Variants in HIVEP1 observed in about 807,000 individuals in gnomAD.
HIVEP1 encodes the protein HIVEP zinc finger 1, also known as zinc finger protein 40.
HIVEP1 carries 36 observed loss-of-function variants against 180.0 expected under a neutral mutation model. The ratio of observed to expected loss-of-function variants is 0.20; its 90% CI spans 0.15 to 0.26. The LOEUF is 0.26. Ranked by LOEUF, HIVEP1 falls within the 10% of genes least tolerant of loss-of-function variation. The probability of loss-of-function intolerance (pLI) is 1.00; values close to 1 mark genes in which losing one functional copy is unlikely to be tolerated. For synonymous variants in HIVEP1, 1,239 were observed against 1,239.0 expected (o/e 1.00, Z 0.00); for missense variants, 3,143 against 3,268.7 (o/e 0.96, Z 0.94).
chr6:12,094,209 G>T (rs1253823657), intron 3 of HIVEP1, among the ~76,000 whole-genome samples: 1 of 151,854 alleles, frequency 6.6e-6, no homozygotes, highest in African/African-American at 2.4e-5. Flanking sequence ...TTTATATCCA[G>T]CTACTTGGCT....
intron 3 of HIVEP1, among the ~76,000 whole-genome samples, chr6:12,095,689 T>G (rs951694943): frequency 6.6e-6 from 1 of 151,968 alleles, no homozygotes; most frequent in Non-Finnish European, 1.5e-5. Context: ...TGTTAGAAAT[T>G]GAGCATTTTA....
At chr6:12,015,503 T>C in intron 1 of HIVEP1, 23 bp from the exon 2 acceptor site, 1 of 757,650 alleles carries the variant, frequency 1.3e-6, no homozygotes, top group South Asian at 1.6e-5. Flanking sequence ...TAAAATGTGC[T>C]TCTCCGTTTT....
chr6:12,199,253 C>T, the HIVEP1 span, among the ~76,000 whole-genome samples: 1 of 152,136 alleles, frequency 6.6e-6, no homozygotes, highest in African/African-American at 2.4e-5. Flanking sequence ...AGACAGGACA[C>T]CAGTCACTAC....
At chr6:12,113,136 G>A (rs1475097775) in intron 3 of HIVEP1, among the ~76,000 whole-genome samples, 1 of 151,480 alleles carries the variant, frequency 6.6e-6, no homozygotes, top group Non-Finnish European at 1.5e-5. Context: ...CTGTAAGTGA[G>A]TGTGGACTCC....
At chr6:12,057,867 A>T (rs575970389) in intron 2 of HIVEP1, among the ~76,000 whole-genome samples, 1 of 152,334 alleles carries the variant, frequency 6.6e-6, no homozygotes, top group East Asian at 1.9e-4. Flanking sequence ...AAATGTGAAG[A>T]ATAGTGTGCA....
the HIVEP1 span, among the ~76,000 whole-genome samples, chr6:12,207,756 A>ATAATAATAATAATAATAATAG: frequency 6.7e-6 from 1 of 149,020 alleles, no homozygotes; most frequent in Non-Finnish European, 1.5e-5. Context: ...AATAATAATA[A>ATAATAATAATAATAATAATAG]TAATAATAAT....
At chr6:12,050,878 T>C (rs1337076886) in intron 2 of HIVEP1, among the ~76,000 whole-genome samples, 1 of 151,256 alleles carries the variant, frequency 6.6e-6, no homozygotes, top group African/African-American at 2.4e-5. Flanking sequence ...GTAGAAGTGG[T>C]GGGAAATGGT....
the HIVEP1 span, among the ~76,000 whole-genome samples, chr6:12,194,812 A>C: frequency 6.6e-6 from 1 of 152,186 alleles, no homozygotes; most frequent in African/African-American, 2.4e-5. Context: ...AAAAACAAAC[A>C]AACAACAAAA....
At chr6:12,069,877 AT>A (rs909465413) in intron 2 of HIVEP1, among the ~76,000 whole-genome samples, 4 of 152,018 alleles carry the variant, frequency 2.6e-5, no homozygotes, top group East Asian at 1.9e-4. Flanking sequence ...GTACAAAAAT[AT>A]TTTTTATATT....
Position 12,164,016 on chromosome 6 carries a change from T to A in HIVEP1, c.7712T>A (p.Met2571Lys). 5 of 1,614,032 alleles carry A rather than the reference T, an allele frequency of 3.1e-6. No individual in the cohort carries two copies. The highest frequency in any genetic ancestry group is 4.2e-6 in the Non-Finnish European group (5 of 1,180,022). ...VAVDAQGAPEMPASQSKACET... is the reference protein window; with the variant it reads ...VAVDAQGAPEKPASQSKACET... ...GTTGATGCACAGGGAGCTCCAGAAATGCCAGCTTCCCAAAGCAAAGCATGC... is the reference window on the plus strand; with the variant it reads ...GTTGATGCACAGGGAGCTCCAGAAAAGCCAGCTTCCCAAAGCAAAGCATGC... Residue 2571 changes from methionine (M) to lysine (K), a missense_variant, in exon 9 of 9, where the codon ATG becomes AAG. By Grantham distance (95) the Met-to-Lys change is moderately conservative. Around this residue, in one of 12 missense-constraint regions of HIVEP1, gnomAD observed 595 missense variants for 602.2 expected, o/e 0.99. Coordinates refer to ENST00000379388, the MANE Select transcript of HIVEP1 (RefSeq NM_002114.4).
chr6:12,020,846 G>A (rs1349318940), intron 2 of HIVEP1, among the ~76,000 whole-genome samples: 1 of 150,376 alleles, frequency 6.6e-6, no homozygotes, highest in Non-Finnish European at 1.5e-5. Flanking sequence ...TGCAAAAAAT[G>A]AGAACTCTTT....
At chr6:12,023,074 C>A (rs1033149282) in intron 2 of HIVEP1, among the ~76,000 whole-genome samples, 1 of 152,160 alleles carries the variant, frequency 6.6e-6, no homozygotes, top group Non-Finnish European at 1.5e-5. Flanking sequence ...TCACAGATCA[C>A]GCGGGATTGA....
chr6:12,083,916 C>T (rs1471261601), intron 2 of HIVEP1, among the ~76,000 whole-genome samples: 1 of 152,044 alleles, frequency 6.6e-6, no homozygotes, highest in African/African-American at 2.4e-5. Flanking sequence ...AAGCTGTGTT[C>T]ATGTGTGGTG....
At chr6:12,148,651 G>A (rs1759513935) in intron 7 of HIVEP1, among the ~76,000 whole-genome samples, 2 of 152,142 alleles carry the variant, frequency 1.3e-5, no homozygotes, top group South Asian at 4.2e-4. Flanking sequence ...AACCACACCG[G>A]GATTTCATTT....
chr6:12,093,974 T>C (rs563884778), intron 3 of HIVEP1, among the ~76,000 whole-genome samples: 1 of 152,190 alleles, frequency 6.6e-6, no homozygotes, highest in Non-Finnish European at 1.5e-5. Context: ...TGGGGCAAAC[T>C]GACCATCTTC....
chr6:12,041,852 GT>G (rs35875460), intron 2 of HIVEP1, among the ~76,000 whole-genome samples: 67,482 of 151,534 alleles, frequency 0.45, 15,235 homozygotes, highest in East Asian at 0.56. Flanking sequence ...GTAGAAACGG[GT>G]TTTCACCGTG....
chr6:12,131,055 G>A (rs1444643801), intron 6 of HIVEP1, 113 bp downstream of exon 6: 3 of 630,080 alleles, frequency 4.8e-6, no homozygotes, highest in Non-Finnish European at 8.0e-6. Context: ...ATAGACTAAT[G>A]TCAATTACAT....
chr6:12,030,461 T>G (rs183712160), intron 2 of HIVEP1, among the ~76,000 whole-genome samples: 2 of 152,298 alleles, frequency 1.3e-5, no homozygotes, highest in East Asian at 3.9e-4. Flanking sequence ...TTAATATCTC[T>G]TTAATTTTTT....
rs765011075 is a variant in HIVEP1, at chr6:12,163,574, G to C, written c.7270G>C (p.Val2424Leu). ...STFVPLQAGP[V>L]QLTIPAVSVV... is the part of the protein sequence containing the mutation. The stretch of plus-strand genomic sequence containing the variant: ...GTTTGTGCCCCTTCAGGCTGGACCA[G>C]TGCAGCTCACGATCCCTGCTGTCAG... The change falls in exon 9 of 9, where the codon GTG becomes CTG. Residue 2424 changes from valine (V) to leucine (L), a missense_variant. Val to Leu is a conservative substitution (Grantham distance 32). Around this residue, in one of 12 missense-constraint regions of HIVEP1, gnomAD observed 595 missense variants for 602.2 expected, o/e 0.99. Coordinates refer to ENST00000379388, the MANE Select transcript of HIVEP1 (RefSeq NM_002114.4). 4 of 1,614,236 alleles carry C rather than the reference G, an allele frequency of 2.5e-6. No homozygotes were observed. The Admixed American group carries it at 6.7e-5, about 27-fold the overall frequency.
Sources: allele counts gnomAD v4.1 joint callset (sites outside exome capture counted in the v4.1 genomes callset), GRCh38; gene constraint gnomAD v4.1.1; regional missense constraint gnomAD v4.1.1; transcripts MANE v1.5; gene names NCBI Gene and HGNC (gene_info 2026-07-23, HGNC 2026-07-21).